RIMBP2: variants seen among roughly 807,000 people sequenced by gnomAD.
RIMBP2 encodes the protein RIMS binding protein 2.
RIMBP2 carries 48 observed loss-of-function variants against 118.6 expected under a neutral mutation model. The ratio of observed to expected loss-of-function variants is 0.40; its 90% CI spans 0.32 to 0.51. The LOEUF (loss-of-function observed/expected upper bound fraction) is 0.51. Ranked by LOEUF, RIMBP2 falls within the 20% of genes least tolerant of loss-of-function variation. The pLI is 0.41. For missense variants in RIMBP2, 1,551 were observed against 1,768.3 expected, an observed-to-expected ratio of 0.88 and a Z score of 2.20; for synonymous variants, 762 against 742.9, an observed-to-expected ratio of 1.03 and a Z score of -0.42.
chr12:130,526,340 G>A (rs1318215888), intron 2 of RIMBP2, among the ~76,000 whole-genome samples: 1 of 152,186 alleles, frequency 6.6e-6, no homozygotes, highest in Non-Finnish European at 1.5e-5. Context: ...GAAAGACAAT[G>A]AAAGGTAACT....
At chr12:130,695,404 G>A (rs747880541) in intron 1 of RIMBP2, among the ~76,000 whole-genome samples, 8 of 152,190 alleles carry the variant, frequency 5.3e-5, no homozygotes, top group Non-Finnish European at 1.2e-4. Flanking sequence ...AGGATGGAAA[G>A]GTGCTGCTCT....
rs868188833 is a variant in RIMBP2 at position 130,620,882 on chromosome 12, C to T, written c.-217+7440G>A. On this transcript the variant is annotated intron_variant, in intron 2 of 22. Transcript: ENST00000690449. This position sits in a 1 kb window ranked among gnomAD's most constrained non-coding sequence, Gnocchi z 5.3. ...TCACCCTGTAACAGACTCTGTGACC[C>T]GCAGTCAACCACCCCACCCAGCAGT... 5.9e-5 allele frequency among the ~76,000 whole-genome samples: 9 copies of T among 152,282 alleles called. No individual in the cohort carries two copies. In the East Asian group the frequency reaches 7.7e-4, roughly 13 times the overall value.
chr12:130,437,102 A>G lies in RIMBP2; in HGVS notation c.1846T>C (p.Ser616Pro). 1.3e-6 allele frequency: 2 copies of G among 1,575,732 alleles called. No homozygotes were observed. Among genetic ancestry groups the G allele is most frequent in the Non-Finnish European group, 1.7e-6 (2 of 1,159,486 alleles). ...ACTCCAGAACTTGCTAATGGCTTTG[A>G]TTGGGGTGCAGGTCTCGGGTGGGGG... ...PTPHPRPAPQ[S>P]KPLASSGVPE... Residue 616 changes from serine (S) to proline (P), a missense_variant, in exon 13 of 23, where the codon TCA becomes CCA. Physicochemically the swap from Ser to Pro is moderately conservative, Grantham distance 74. Coordinates refer to ENST00000690449, the MANE Select transcript of RIMBP2 (RefSeq NM_001393629.1).
intron 1 of RIMBP2, among the ~76,000 whole-genome samples, chr12:130,680,812 C>T (rs2064747569): frequency 6.6e-6 from 1 of 152,224 alleles, no homozygotes; most frequent in Non-Finnish European, 1.5e-5. Context: ...GGCTGAGAGG[C>T]CCTGGGCTCA....
chr12:130,526,355 T>C (rs1212937541), intron 2 of RIMBP2, among the ~76,000 whole-genome samples: 3 of 152,154 alleles, frequency 2.0e-5, no homozygotes, highest in South Asian at 2.1e-4. Context: ...GTAACTCCAA[T>C]GGTGCTTTTG....
intron 1 of RIMBP2, among the ~76,000 whole-genome samples, chr12:130,651,862 G>C (rs2063245795): frequency 6.6e-6 from 1 of 151,608 alleles, no homozygotes; most frequent in African/African-American, 2.4e-5. Context: ...TCATATTATA[G>C]CTTTTGGAAA....
intron 20 of RIMBP2, among the ~76,000 whole-genome samples, chr12:130,406,920 C>T (rs1015712348): frequency 3.3e-5 from 5 of 152,174 alleles, no homozygotes; most frequent in Admixed American, 6.5e-5. Flanking sequence ...GGATTACAGG[C>T]GTAAGCCACC....
rs35669558 is a variant in RIMBP2, at chr12:130,525,696, TG to T, written c.-216-7780del. 6.6e-6 allele frequency among the ~76,000 whole-genome samples: 1 copy of T among 152,046 alleles called. No homozygotes were observed. The highest frequency in any genetic ancestry group is 6.6e-5 in the Admixed American group (1 of 15,262). On this transcript the variant is annotated intron_variant, in intron 2 of 22. Transcript: ENST00000690449. This position sits in a 1 kb window ranked among gnomAD's most constrained non-coding sequence, Gnocchi z 4.4. ...CGGGGCACTTGGGGATGAGATCGTA[TG>T]GGGGGAGATGACCCAAGGGGCTCAT...
chr12:130,561,351 T>A (rs746227914), intron 2 of RIMBP2, among the ~76,000 whole-genome samples: 1 of 152,192 alleles, frequency 6.6e-6, no homozygotes, highest in African/African-American at 2.4e-5. Flanking sequence ...TTCATTCATT[T>A]TCCTGATGTC....
Position 130,578,141 on chromosome 12 carries a change from A to G in RIMBP2, c.-217+50181T>C, listed in dbSNP as rs1380044092. ...GTGGCAAATTATTCACAGGATTCAGAGATTCCAGGAAAGTAAAGGTAGTGC... is the reference window on the plus strand; with the variant it reads ...GTGGCAAATTATTCACAGGATTCAGGGATTCCAGGAAAGTAAAGGTAGTGC... On this transcript the variant is annotated intron_variant, in intron 2 of 22. Coordinates refer to ENST00000690449, the MANE Select transcript of RIMBP2 (RefSeq NM_001393629.1). This position sits in a 1 kb window ranked among gnomAD's most constrained non-coding sequence, Gnocchi z 4.1. Among the ~76,000 whole-genome samples the G allele has an allele frequency of 6.6e-6, 1 of 152,214 alleles. No homozygotes were observed. The highest frequency in any genetic ancestry group is 2.4e-5 in the African/African-American group (1 of 41,444).
chr12:130,529,091 CCA>C lies in RIMBP2; in HGVS notation c.-216-11176_-216-11175del, dbSNP rs535455243. 4.9e-4 allele frequency among the ~76,000 whole-genome samples: 74 copies of C among 152,262 alleles called. 1 individual carries two copies. The highest frequency in any genetic ancestry group is 1.7e-3 in the African/African-American group (69 of 41,528). The stretch of plus-strand genomic sequence containing the variant: ...AATGGATAAGCCAAATGTGGTCTGT[CCA>C]TAAAGTGGAAGATTCTTCAGCCTAC... On this transcript the variant is annotated intron_variant, in intron 2 of 22. Transcript: ENST00000690449.
chr12:130,507,200 G>C (rs1209340775), intron 3 of RIMBP2, among the ~76,000 whole-genome samples: 2 of 152,134 alleles, frequency 1.3e-5, no homozygotes, highest in Non-Finnish European at 2.9e-5. Flanking sequence ...ACAAACAGCT[G>C]GAACTACTGT....
intron 4 of RIMBP2, among the ~76,000 whole-genome samples, chr12:130,479,755 T>C (rs1302399996): frequency 1.3e-5 from 2 of 151,972 alleles, no homozygotes; most frequent in Admixed American, 6.5e-5. Context: ...GTGGCCCCCA[T>C]CAGCCAGGCC....
At chr12:130,530,575 A>G (rs2053264240) in intron 2 of RIMBP2, among the ~76,000 whole-genome samples, 1 of 152,236 alleles carries the variant, frequency 6.6e-6, no homozygotes, top group African/African-American at 2.4e-5. Context: ...CATTACATTT[A>G]TGCTCTGAGC....
At chr12:130,693,473 G>A (rs1019221078) in intron 1 of RIMBP2, among the ~76,000 whole-genome samples, 2 of 152,154 alleles carry the variant, frequency 1.3e-5, no homozygotes, top group Non-Finnish European at 2.9e-5. Context: ...TTAAGAACTG[G>A]TGACCCCCAA....
chr12:130,554,096 T>C (rs2056106243), intron 2 of RIMBP2, among the ~76,000 whole-genome samples: 1 of 152,142 alleles, frequency 6.6e-6, no homozygotes, highest in Admixed American at 6.5e-5. Flanking sequence ...AAGCAGTGAA[T>C]TAACTATAGA....
chr12:130,507,522 C>T (rs772113406), intron 3 of RIMBP2, among the ~76,000 whole-genome samples: 63 of 152,268 alleles, frequency 4.1e-4, no homozygotes, highest in Admixed American at 1.4e-3. Flanking sequence ...AATAAAAATG[C>T]CAATGAAATT....
Position 130,442,122 on chromosome 12 carries a change from G to A in RIMBP2, c.1230C>T (p.Ala410=). 2 of 1,614,146 alleles carry A rather than the reference G, an allele frequency of 1.2e-6. No homozygotes were observed. The highest frequency in any genetic ancestry group is 1.7e-6 in the Non-Finnish European group (2 of 1,180,004). The change falls in exon 11 of 23, where the codon GCC becomes GCT. Residue 410 remains alanine (A), a synonymous_variant. Coordinates refer to ENST00000690449, the MANE Select transcript of RIMBP2 (RefSeq NM_001393629.1). This position sits in a 1 kb window ranked among gnomAD's most constrained non-coding sequence, Gnocchi z 6.9. ...TGTTGTCCACCCGCAGGTGGGAGGG[G>A]GCCACCACCACGTCCTTGCCCACCA... is the stretch of plus-strand genomic sequence containing the variant. The part of the protein sequence containing the change: ...TLLVGKDVVV[A]PSHLRVDNIT...
intron 12 of RIMBP2, 25 bp downstream of exon 12, chr12:130,438,340 C>CCCCCCCCCCCCCAACAAAAAACA: frequency 9.0e-7 from 1 of 1,107,972 alleles, no homozygotes; most frequent in Non-Finnish European, 1.3e-6. Context: ...AACAAACCCT[C>CCCCCCCCCCCCCAACAAAAAACA]CCCACCCACC....
Sources: allele counts gnomAD v4.1 joint callset (sites outside exome capture counted in the v4.1 genomes callset), GRCh38; gene constraint gnomAD v4.1.1; non-coding constraint Gnocchi (gnomAD v3.1); transcripts MANE v1.5; gene names NCBI Gene and HGNC (gene_info 2026-07-23, HGNC 2026-07-21).